FAF1: variants seen among roughly 807,000 people sequenced by gnomAD.
FAF1 encodes FAS-associated factor 1.
In FAF1, 25 loss-of-function variants were observed where a neutral mutation model predicts 92.5. That is an observed-to-expected ratio of 0.27 (90% CI 0.20 to 0.38). FAF1 has a LOEUF of 0.38. FAF1 is among the 10% of genes least tolerant of loss of function. FAF1 has a pLI of 1.00. For synonymous variants in FAF1, 234 were observed against 273.2 expected (o/e 0.86, Z 1.42); for missense variants, 636 against 793.3 (o/e 0.80, Z 2.38).
At chr1:50,659,872 T>C (rs767413092) in intron 7 of FAF1, among the ~76,000 whole-genome samples, 20 of 152,212 alleles carry the variant, frequency 1.3e-4, no homozygotes, top group Non-Finnish European at 2.1e-4. Context: ...TGAGAAAATA[T>C]ATAAATCAGG....
intron 6 of FAF1, among the ~76,000 whole-genome samples, chr1:50,724,304 C>CACACACATACAT (rs769148146): frequency 4.3e-5 from 6 of 138,524 alleles, no homozygotes; most frequent in African/African-American, 5.5e-5. Context: ...CATACACACA[C>CACACACATACAT]ACACACACAC....
intron 14 of FAF1, 151 bp downstream of exon 14, chr1:50,539,441 C>A: frequency 1.9e-6 from 1 of 519,222 alleles, no homozygotes. Flanking sequence ...TTTTTTATAG[C>A]ACCTATATTT....
At chr1:50,709,479 GCATA>G (rs1657826251) in intron 6 of FAF1, among the ~76,000 whole-genome samples, 1 of 152,114 alleles carries the variant, frequency 6.6e-6, no homozygotes, top group African/African-American at 2.4e-5. Context: ...ATTCTGAACT[GCATA>G]CAAAGAACTA....
At chr1:50,882,601 T>TAAAG (rs1191611890) in intron 1 of FAF1, among the ~76,000 whole-genome samples, 1 of 19,028 alleles carries the variant, frequency 5.3e-5, no homozygotes, top group African/African-American at 2.8e-4. Flanking sequence ...GACTCTGTCT[T>TAAAG]AAATAAATAA....
At chr1:50,882,658 A>G (rs546173161) in intron 1 of FAF1, among the ~76,000 whole-genome samples, 12 of 151,462 alleles carry the variant, frequency 7.9e-5, no homozygotes, top group African/African-American at 2.7e-4. Flanking sequence ...ATGTGTATGT[A>G]TGTATGTATG....
intron 4 of FAF1, among the ~76,000 whole-genome samples, chr1:50,745,255 C>G (rs949369381): frequency 4.6e-5 from 7 of 152,052 alleles, no homozygotes; most frequent in Non-Finnish European, 7.4e-5. Flanking sequence ...GAGCCGAGAT[C>G]GTGCCACTGC....
At chr1:50,937,388 T>G (rs1262757459) in intron 1 of FAF1, among the ~76,000 whole-genome samples, 1 of 152,068 alleles carries the variant, frequency 6.6e-6, no homozygotes, top group South Asian at 2.1e-4. Flanking sequence ...AATGCTAACA[T>G]AGTTGCCTTC....
At chr1:50,458,978 T>C (rs1007683275) in intron 18 of FAF1, among the ~76,000 whole-genome samples, 11 of 140,222 alleles carry the variant, frequency 7.8e-5, no homozygotes, top group African/African-American at 2.1e-4. Flanking sequence ...TTTTTTTTTC[T>C]TTTTTTTTTT....
At chr1:50,954,410 C>T (rs1250225611) in intron 1 of FAF1, among the ~76,000 whole-genome samples, 3 of 152,138 alleles carry the variant, frequency 2.0e-5, no homozygotes, top group Admixed American at 6.5e-5. Context: ...GGTGTGTTGG[C>T]TCATGCCTAT....
At chr1:50,655,157 G>A (rs1655050225) in intron 8 of FAF1, among the ~76,000 whole-genome samples, 1 of 151,926 alleles carries the variant, frequency 6.6e-6, no homozygotes, top group African/African-American at 2.4e-5. Context: ...TGAGTAGTGG[G>A]ATTAGAGGCG....
At chr1:50,517,101 G>T (rs765403825) in intron 15 of FAF1, among the ~76,000 whole-genome samples, 13 of 151,908 alleles carry the variant, frequency 8.6e-5, no homozygotes, top group Non-Finnish European at 1.9e-4. Flanking sequence ...ATGAAAAAGA[G>T]AATTTAAGGC....
intron 2 of FAF1, chr1:50,846,402 GC>G: frequency 2.7e-6 from 1 of 364,738 alleles, no homozygotes; most frequent in Non-Finnish European, 5.3e-6. Context: ...CGCCATCCCT[GC>G]CATCCCGCCC....
chr1:50,716,207 T>C (rs1330151998), intron 6 of FAF1, among the ~76,000 whole-genome samples: 2 of 152,058 alleles, frequency 1.3e-5, no homozygotes, highest in Non-Finnish European at 2.9e-5. Flanking sequence ...CAGGGTACAA[T>C]AGTAGTAGGC....
At chr1:50,921,300 C>G (rs1644961099) in intron 1 of FAF1, among the ~76,000 whole-genome samples, 2 of 152,194 alleles carry the variant, frequency 1.3e-5, no homozygotes, top group African/African-American at 4.8e-5. Context: ...CCCAACTCTG[C>G]AACGCACTAT....
At chr1:50,480,797 T>A (rs545261706) in intron 17 of FAF1, among the ~76,000 whole-genome samples, 3 of 152,218 alleles carry the variant, frequency 2.0e-5, no homozygotes, top group Non-Finnish European at 4.4e-5. Context: ...ACGTATTTTT[T>A]AGAAAAGTTA....
chr1:50,780,693 C>A, intron 4 of FAF1: 1 of 272,086 alleles, frequency 3.7e-6, no homozygotes, highest in Non-Finnish European at 7.4e-6. Context: ...GCATGTGCTG[C>A]CACCTATCAT....
Position 50,783,216 on chromosome 1 carries a change from C to A in FAF1, c.367+4784G>T, listed in dbSNP as rs537671002. ...AACTAGTCTGTTATAGAGAGTGAAT[C>A]AGTAATCAAAAATCTCCCAACAAAG... On this transcript the variant is annotated intron_variant, in intron 4 of 18. Transcript: ENST00000396153. Among the ~76,000 whole-genome samples, 13 of 152,142 alleles carry A rather than the reference C, an allele frequency of 8.5e-5. 1 individual carries two copies. In the South Asian group the frequency reaches 2.7e-3, roughly 32 times the overall value.
intron 15 of FAF1, among the ~76,000 whole-genome samples, chr1:50,508,933 A>G (rs1416925073): frequency 5.3e-5 from 8 of 152,096 alleles, no homozygotes; most frequent in African/African-American, 1.2e-4. Flanking sequence ...CGAACTCCTG[A>G]CCTCAGGTGA....
intron 5 of FAF1, among the ~76,000 whole-genome samples, chr1:50,743,690 C>T (rs1170057808): frequency 6.6e-6 from 1 of 152,134 alleles, no homozygotes; most frequent in Non-Finnish European, 1.5e-5. Context: ...AATGTGAAAA[C>T]ATTCAATAAT....
Sources: gnomAD v4.1 joint callset for allele counts (sites outside exome capture counted in the v4.1 genomes callset) on GRCh38, gnomAD v4.1.1 for gene constraint, MANE v1.5 for transcripts, NCBI Gene and HGNC (gene_info 2026-07-23, HGNC 2026-07-21) for gene names.